ANKRD62: variants seen among roughly 807,000 people sequenced by gnomAD.
ANKRD62 encodes ankyrin repeat domain-containing protein 62.
ANKRD62 carries 61 observed loss-of-function variants against 98.8 expected under a neutral mutation model. The observed-to-expected ratio is 0.62, with a 90% CI of 0.50 to 0.76. ANKRD62 has a LOEUF of 0.76. Among genes scored for constraint, ANKRD62 ranks in the 30% least tolerant of loss-of-function variants. ANKRD62 has a pLI of 0.00. For missense variants in ANKRD62, 933 were observed against 1,082.9 expected, an observed-to-expected ratio of 0.86 and a Z score of 1.94; for synonymous variants, 341 against 367.9, an observed-to-expected ratio of 0.93 and a Z score of 0.84.
chr18:12,110,421 A>T (rs895559977), intron 8 of ANKRD62, among the ~76,000 whole-genome samples: 1 of 152,218 alleles, frequency 6.6e-6, no homozygotes, highest in Non-Finnish European at 1.5e-5. Context: ...TTATTCATTT[A>T]TACCATGGTC....
the ANKRD62 span, among the ~76,000 whole-genome samples, chr18:12,145,096 T>C: frequency 1.3e-5 from 2 of 151,992 alleles, no homozygotes; most frequent in Admixed American, 6.6e-5. Context: ...TGAGCCGAGA[T>C]TGCACCATGT....
chr18:12,103,707 G>A (rs1445840525), intron 7 of ANKRD62, among the ~76,000 whole-genome samples: 1 of 151,902 alleles, frequency 6.6e-6, no homozygotes, highest in African/African-American at 2.4e-5. Flanking sequence ...GGCAGAATGG[G>A]GTCATAAAAT....
At chr18:12,124,788 G>A (rs1909854177) in intron 12 of ANKRD62, among the ~76,000 whole-genome samples, 1 of 152,124 alleles carries the variant, frequency 6.6e-6, no homozygotes, top group Non-Finnish European at 1.5e-5. Context: ...ATGTGGTGGA[G>A]GACCACTAGA....
At chr18:12,134,482 G>A (rs545939430), downstream of ANKRD62, among the ~76,000 whole-genome samples, 9 of 151,976 alleles carry the variant, frequency 5.9e-5, no homozygotes, top group Admixed American at 2.6e-4. Context: ...CCATTAACTC[G>A]TCATTTACAT....
chr18:12,135,504 C>A, the ANKRD62 span, among the ~76,000 whole-genome samples: 1 of 151,382 alleles, frequency 6.6e-6, no homozygotes, highest in Non-Finnish European at 1.5e-5. Context: ...AATAAACATA[C>A]GTGTGCGTGT....
intron 7 of ANKRD62, among the ~76,000 whole-genome samples, chr18:12,103,767 T>C (rs1435227854): frequency 1.3e-5 from 2 of 152,102 alleles, no homozygotes; most frequent in African/African-American, 4.8e-5. Context: ...AATGGCACTT[T>C]TGGTGTTTGG....
At chr18:12,178,317 C>G in the ANKRD62 span, among the ~76,000 whole-genome samples, 1 of 149,416 alleles carries the variant, frequency 6.7e-6, no homozygotes, top group East Asian at 2.0e-4. Flanking sequence ...TGATCCCCAC[C>G]ACCAGAGCAT....
At chr18:12,098,674 A>C (rs1360403206) in intron 5 of ANKRD62, 2 of 152,240 alleles carry the variant, frequency 1.3e-5, no homozygotes, top group African/African-American at 4.8e-5. Flanking sequence ...CTATGAAATG[A>C]GAATGGCGCT....
chr18:12,159,779 C>G, the ANKRD62 span, among the ~76,000 whole-genome samples: 1 of 152,110 alleles, frequency 6.6e-6, no homozygotes, highest in Admixed American at 6.5e-5. Flanking sequence ...ACTAGTTTCT[C>G]AGAGTTTATT....
chr18:12,127,424 A>C (rs1024452732), intron 13 of ANKRD62, among the ~76,000 whole-genome samples: 2 of 152,246 alleles, frequency 1.3e-5, no homozygotes, highest in African/African-American at 4.8e-5. Context: ...GACGGAAAAC[A>C]CTGCAGTGTA....
At chr18:12,109,966 AAAAAACAG>A (rs1011012578) in intron 8 of ANKRD62, among the ~76,000 whole-genome samples, 2 of 151,856 alleles carry the variant, frequency 1.3e-5, no homozygotes, top group African/African-American at 2.4e-5. Context: ...AAAAAAAAAA[AAAAAACAG>A]ACAGACAGGT....
In ANKRD62 at chr18:12,096,313, TC is replaced by T. The variant is rs1449718616; in HGVS notation, c.614+12del. ...AGATAATTTTGGAAGGTACAGTAGT[TC>T]TTTTTTTGTTCATTTTTAAACCTGA... is the stretch of plus-strand genomic sequence containing the variant. On this transcript the variant is annotated intron_variant, in intron 4 of 13. Transcript: ENST00000587848. 6.8e-7 allele frequency: 1 copy of T among 1,464,846 alleles called. No individual in the cohort carries two copies. The highest frequency in any genetic ancestry group is 9.2e-7 in the Non-Finnish European group (1 of 1,091,152). 90.7% of individuals were successfully genotyped at this position (1,464,846 alleles called of 1,614,324 possible).
At chr18:12,154,459 G>A in the ANKRD62 span, among the ~76,000 whole-genome samples, 4 of 152,328 alleles carry the variant, frequency 2.6e-5, no homozygotes, top group South Asian at 8.3e-4. Flanking sequence ...ATGCTGGCAA[G>A]GTTGTGGAGA....
the ANKRD62 span, among the ~76,000 whole-genome samples, chr18:12,159,458 A>G: frequency 1.3e-5 from 2 of 152,206 alleles, no homozygotes; most frequent in Non-Finnish European, 2.9e-5. Context: ...TTCTAGTTCC[A>G]TAGTGGAGAC....
chr18:12,116,030 GT>G, intron 10 of ANKRD62, among the ~76,000 whole-genome samples: 1 of 152,142 alleles, frequency 6.6e-6, no homozygotes, highest in East Asian at 1.9e-4. Flanking sequence ...CCATACCCTT[GT>G]TTCTCTGTGT....
chr18:12,131,842 T>A (rs755074337), downstream of ANKRD62, among the ~76,000 whole-genome samples: 1 of 152,196 alleles, frequency 6.6e-6, no homozygotes, highest in Non-Finnish European at 1.5e-5. Context: ...CACACTGTTA[T>A]GATTTTTGTA....
the ANKRD62 span, among the ~76,000 whole-genome samples, chr18:12,139,624 C>A: frequency 6.6e-6 from 1 of 151,588 alleles, no homozygotes; most frequent in South Asian, 2.1e-4. Flanking sequence ...CCAGCCTGGG[C>A]AACAGAGTAA....
chr18:12,120,758 A>T (rs1909766706), intron 10 of ANKRD62, among the ~76,000 whole-genome samples: 1 of 151,666 alleles, frequency 6.6e-6, no homozygotes, highest in African/African-American at 2.4e-5. Flanking sequence ...ATTTGATTTC[A>T]TATTTCTTTT....
chr18:12,154,004 C>T, the ANKRD62 span, among the ~76,000 whole-genome samples: 10 of 152,210 alleles, frequency 6.6e-5, no homozygotes, highest in African/African-American at 1.4e-4. Flanking sequence ...ATAAAAATCC[C>T]GGAAGACAAC....
Sources: gnomAD v4.1 joint callset for allele counts (sites outside exome capture counted in the v4.1 genomes callset) on GRCh38, gnomAD v4.1.1 for gene constraint, MANE v1.5 for transcripts, NCBI Gene and HGNC (gene_info 2026-07-23, HGNC 2026-07-21) for gene names.